The following TENM1 variants were observed in gnomAD, a reference collection of about 807,000 sequenced individuals.
TENM1 encodes teneurin transmembrane protein 1.
In TENM1, 35 loss-of-function variants were observed where a neutral mutation model predicts 174.8. The ratio of observed to expected loss-of-function variants is 0.20; its 90% CI spans 0.15 to 0.27. TENM1 has a LOEUF of 0.27. Ranked by LOEUF, TENM1 falls within the 10% of genes least tolerant of loss-of-function variation. The probability of loss-of-function intolerance (pLI) is 1.00; values close to 1 mark genes in which losing one functional copy is unlikely to be tolerated. For missense variants in TENM1, 1,633 were observed against 2,130.1 expected (o/e 0.77, Z 4.59); for synonymous variants, 781 against 798.7 (o/e 0.98, Z 0.37).
the TENM1 span, among the ~76,000 whole-genome samples, chrX:125,195,222 C>G: frequency 2.7e-5 from 3 of 111,574 alleles, no homozygotes; most frequent in South Asian, 3.7e-4. Context: ...AAAACAGGAG[C>G]CTTCAAGACC....
intron 11 of TENM1, among the ~76,000 whole-genome samples, chrX:124,578,158 G>A (rs1363824969): frequency 9.0e-6 from 1 of 110,912 alleles, no homozygotes; most frequent in African/African-American, 3.3e-5. Flanking sequence ...GAACTCCTGG[G>A]CTCAAGCAAT....
intron 11 of TENM1, among the ~76,000 whole-genome samples, chrX:124,586,537 T>G (rs2049519641): frequency 9.0e-6 from 1 of 111,133 alleles, no homozygotes; most frequent in Non-Finnish European, 1.9e-5. Context: ...GGGACCTATC[T>G]CAAAATAATA....
intron 11 of TENM1, among the ~76,000 whole-genome samples, chrX:124,640,093 C>T (rs1002788275): frequency 9.1e-6 from 1 of 110,289 alleles, no homozygotes; most frequent in Non-Finnish European, 1.9e-5. Context: ...GTTATATATA[C>T]ATATAACCTC....
intron 23 of TENM1, among the ~76,000 whole-genome samples, chrX:124,441,784 A>G: frequency 8.9e-6 from 1 of 112,367 alleles, no homozygotes. Context: ...ATGGCTTTTA[A>G]TGCCATCTAA....
chrX:125,186,444 T>C, the TENM1 span, among the ~76,000 whole-genome samples: 1 of 111,148 alleles, frequency 9.0e-6, no homozygotes, highest in Non-Finnish European at 1.9e-5. Context: ...CATATTGAGA[T>C]TTGATCCTTA....
At chrX:124,776,714 A>G (rs2054793346) in intron 3 of TENM1, among the ~76,000 whole-genome samples, 1 of 111,402 alleles carries the variant, frequency 9.0e-6, no homozygotes, top group Non-Finnish European at 1.9e-5. Context: ...AAGAAGTGGG[A>G]GATAGCAAAA....
the TENM1 span, among the ~76,000 whole-genome samples, chrX:124,980,051 A>G: frequency 8.9e-6 from 1 of 111,834 alleles, no homozygotes; most frequent in Non-Finnish European, 1.9e-5. Flanking sequence ...TTTATGGATG[A>G]AATTATATCT....
intron 4 of TENM1, among the ~76,000 whole-genome samples, chrX:124,733,817 C>T (rs1163447167): frequency 8.9e-6 from 1 of 112,059 alleles, no homozygotes; most frequent in Non-Finnish European, 1.9e-5. Flanking sequence ...TACAGAAGGT[C>T]CGTGGGTGCA....
At chrX:124,511,208 T>A (rs745450655) in intron 18 of TENM1, among the ~76,000 whole-genome samples, 1 of 112,355 alleles carries the variant, frequency 8.9e-6, no homozygotes, top group Admixed American at 9.4e-5. Context: ...TTAACGTTGA[T>A]TTTCAGATTT....
At chrX:124,622,673 TAC>T (rs1290224922) in intron 11 of TENM1, among the ~76,000 whole-genome samples, 1 of 111,402 alleles carries the variant, frequency 9.0e-6, no homozygotes, top group East Asian at 2.8e-4. Context: ...TTTTTCAAGT[TAC>T]AGTTTCGGAT....
chrX:124,511,224 T>A (rs1447769316), intron 18 of TENM1, among the ~76,000 whole-genome samples: 2 of 112,355 alleles, frequency 1.8e-5, no homozygotes, highest in African/African-American at 6.5e-5. Flanking sequence ...GATTTCCTTT[T>A]CATCTTCTGG....
the TENM1 span, among the ~76,000 whole-genome samples, chrX:124,997,848 T>A: frequency 9.1e-6 from 1 of 110,313 alleles, no homozygotes; most frequent in Non-Finnish European, 1.9e-5. Context: ...ACATGGATAG[T>A]AAGGTTGTTC....
intron 15 of TENM1, among the ~76,000 whole-genome samples, chrX:124,531,774 G>T (rs1244049230): frequency 8.9e-6 from 1 of 112,393 alleles, no homozygotes; most frequent in Non-Finnish European, 1.9e-5. Flanking sequence ...TAATAGAGAA[G>T]ACATTTGAAG....
intron 3 of TENM1, among the ~76,000 whole-genome samples, chrX:124,752,984 T>C (rs1603129766): frequency 9.0e-6 from 1 of 111,264 alleles, no homozygotes; most frequent in East Asian, 2.8e-4. Context: ...GGGCTCTTTT[T>C]TGGTTCCATA....
chrX:124,879,238 G>C (rs915379386), intron 3 of TENM1, among the ~76,000 whole-genome samples: 14 of 111,728 alleles, frequency 1.3e-4, no homozygotes, highest in African/African-American at 3.6e-4. Context: ...CTATCTAACA[G>C]TATCTTTGTA....
At chrX:125,154,675 G>A in the TENM1 span, among the ~76,000 whole-genome samples, 9 of 111,148 alleles carry the variant, frequency 8.1e-5, no homozygotes, top group African/African-American at 3.0e-4. Context: ...GAGTGTTACA[G>A]TTCTTAAAGG....
chrX:124,939,233 C>T (rs1015724437), intron 1 of TENM1, among the ~76,000 whole-genome samples: 2 of 111,971 alleles, frequency 1.8e-5, no homozygotes, highest in African/African-American at 6.5e-5. Flanking sequence ...GGCCATAAAA[C>T]CTACTTTTCA....
chrX:125,191,049 T>C, the TENM1 span, among the ~76,000 whole-genome samples: 1 of 111,837 alleles, frequency 8.9e-6, no homozygotes, highest in Admixed American at 9.5e-5. Flanking sequence ...ATATCATAAA[T>C]CACATAGCAT....
At chrX:124,641,960 A>G in exon 11 of TENM1, 1 of 1,211,894 alleles carries the variant, frequency 8.3e-7, no homozygotes, top group Non-Finnish European at 1.1e-6. Context: ...CACAGATGCC[A>G]TGGTTGGAAC....
Sources: gnomAD v4.1 joint callset for allele counts (sites outside exome capture counted in the v4.1 genomes callset) on GRCh38, gnomAD v4.1.1 for gene constraint, MANE v1.5 for transcripts, NCBI Gene and HGNC (gene_info 2026-07-23, HGNC 2026-07-21) for gene names.